SPTBN5: variants seen among roughly 807,000 people sequenced by gnomAD.
SPTBN5 encodes spectrin beta, non-erythrocytic 5.
Under a neutral mutation model 477.6 loss-of-function variants are expected in SPTBN5, and 513 were observed. The ratio of observed to expected loss-of-function variants is 1.07; its 90% CI spans 1.00 to 1.16. The LOEUF (loss-of-function observed/expected upper bound fraction) is 1.16, where lower values mean the gene tolerates loss of function less well. SPTBN5 is among the 50% of genes most tolerant of loss of function. The probability of loss-of-function intolerance (pLI) is 0.00; values close to 1 mark genes in which losing one functional copy is unlikely to be tolerated. For synonymous variants in SPTBN5, 2,169 were observed against 2,011.7 expected, an observed-to-expected ratio of 1.08 and a Z score of -2.09; for missense variants, 5,062 against 4,731.8, an observed-to-expected ratio of 1.07 and a Z score of -2.05.
intron 2 of SPTBN5, 57 bp downstream of exon 2, chr15:41,893,225 G>T: frequency 6.2e-7 from 1 of 1,609,586 alleles, no homozygotes; most frequent in South Asian, 1.1e-5. Flanking sequence ...GAGGCCCACT[G>T]GCCAGAGCTG....
Position 41,893,310 on chromosome 15 carries a change from C to A in SPTBN5, c.188G>T (p.Trp63Leu), listed in dbSNP as rs1254374506. The change falls in exon 2 of 68, where the codon TGG becomes TTG. Residue 63 changes from tryptophan (W) to leucine (L), a missense_variant. Trp to Leu is a moderately conservative substitution (Grantham distance 61). Coordinates refer to ENST00000320955, the MANE Select transcript of SPTBN5 (RefSeq NM_016642.4). Reference protein sequence around the residue: ...MQMQEKTFTKWINNVFQCGQA... With the variant: ...MQMQEKTFTKLINNVFQCGQA... ...GCCGCACTGGAAGACGTTATTGATC[C>A]ACTTGGTGAAAGTCTTCTCCTGCAT... 6.2e-7 allele frequency: 1 copy of A among 1,614,018 alleles called. No individual in the cohort carries two copies. The highest frequency in any genetic ancestry group is 8.5e-7 in the Non-Finnish European group (1 of 1,179,904).
rs201037092 is a variant in SPTBN5, at chr15:41,851,096, G to T, written c.10798C>A (p.Arg3600=). 211 of 1,613,052 alleles carry T rather than the reference G, an allele frequency of 1.3e-4. 1 individual carries two copies. In the African/African-American group the frequency reaches 2.6e-3, roughly 20 times the overall value. ...GTGTGTTTCCTGCCGTGGCGGCCCC[G>T]CAGCCTCTCACACCGGGCTCCCGTG... ...DLTGARCERL[R]GRHGRKHTFS... is the part of the protein sequence containing the mutation. The change falls in exon 65 of 68, where the codon CGG becomes AGG. Residue 3600 remains arginine, a synonymous_variant. Coordinates refer to ENST00000320955, the MANE Select transcript of SPTBN5 (RefSeq NM_016642.4).
Position 41,881,138 on chromosome 15 carries a change from T to C in SPTBN5, c.2554A>G (p.Met852Val). 1 of 1,613,672 alleles carries C rather than the reference T, an allele frequency of 6.2e-7. No homozygotes were observed. Among genetic ancestry groups the C allele is most frequent in the Non-Finnish European group, 8.5e-7 (1 of 1,179,816 alleles). The change falls in exon 13 of 68, where the codon ATG (methionine) becomes GTG (valine). Residue 852 changes from methionine (M) to valine (V), a missense_variant. By Grantham distance (21) the Met-to-Val change is conservative. Transcript: ENST00000320955. ...CHPGPGDAWK[M>V]ALPAEPDPDF... ...GGGTCAGGCTCAGCTGGGAGGGCCA[T>C]CTTCCAGGCATCCCCAGGGCCAGGG...
chr15:41,868,648 G>A, intron 32 of SPTBN5, 47 bp from the exon 33 acceptor site: 5 of 1,573,600 alleles, frequency 3.2e-6, no homozygotes, highest in Non-Finnish European at 4.3e-6. Flanking sequence ...GCTGGGCTGG[G>A]CAGCAGGAAA....
rs781277122 is a variant in SPTBN5, at chr15:41,857,008, G to A, written c.8653C>T (p.Arg2885Cys). The change falls in exon 52 of 68, where the codon CGC (arginine) becomes TGC (cysteine). Residue 2885 changes from arginine (R) to cysteine (C), a missense_variant. Physicochemically the swap from Arg to Cys is radical, Grantham distance 180 (BLOSUM62 -3). Coordinates refer to ENST00000320955, the MANE Select transcript of SPTBN5 (RefSeq NM_016642.4). ...CTCCGGGCCTCCAGGGCCGTCCTGC[G>A]CTCCTGCAGGGGCTCCCTCAGGCTC... ...FKSLREPLQE[R>C]RTALEARSLL... 1.5e-5 allele frequency: 24 copies of A among 1,605,016 alleles called. 1 individual carries two copies. The Admixed American group carries it at 2.7e-4, about 18-fold the overall frequency.
In SPTBN5 at chr15:41,855,204, T is replaced by C. The variant is rs779576593; in HGVS notation, c.9423+20A>G. Reference sequence around the variant, plus strand: ...CAGCCTCTGCCCACTCCCCGTGAGGTTTGCTCAGGAGTAACTCACCTTGAC... The same window carrying C: ...CAGCCTCTGCCCACTCCCCGTGAGGCTTGCTCAGGAGTAACTCACCTTGAC... On this transcript the variant is annotated intron_variant, in intron 55 of 67. Transcript: ENST00000320955. The C allele has an allele frequency of 6.3e-7, 1 of 1,596,742 alleles. No individual in the cohort carries two copies.
At position 41,853,761 on chromosome 15, in the gene SPTBN5, CT is replaced by C; in HGVS notation, c.9800del (p.Glu3267GlyfsTer61). The C allele has an allele frequency of 6.3e-7, 1 of 1,575,736 alleles. No homozygotes were observed. ...LERELEAMEK[E>X]VARLQTEACR... ...AGGCCTCCGTCTGTAGCCGTGCCAC[CT>C]CCTTCTCCATAGCTTCCAGCTCTCT... On this transcript the variant is annotated frameshift_variant, in exon 58 of 68. Coordinates refer to ENST00000320955, the MANE Select transcript of SPTBN5 (RefSeq NM_016642.4). LOFTEE classifies it high-confidence loss of function.
At chr15:41,877,452 G>C in intron 17 of SPTBN5, 96 bp from the exon 18 acceptor site, 1 of 1,465,670 alleles carries the variant, frequency 6.8e-7, no homozygotes. Flanking sequence ...CTTGGATCAT[G>C]AATGAGACAC....
In SPTBN5 at chr15:41,886,310, C is replaced by T. The variant is rs2140966569; in HGVS notation, c.945G>A (p.Val315=). Residue 315 remains valine (V), a synonymous_variant, in exon 7 of 68, where the codon GTG becomes GTA. Transcript: ENST00000320955. ...ELLQTQYEQL[V]ADLLRWIAEK... ...CTGCAATCCAGCGTAGAAGGTCAGC[C>T]ACCAGCTGCTCGTACTGGGTCTGCA... 6.2e-7 allele frequency: 1 copy of T among 1,613,002 alleles called. No individual in the cohort carries two copies. Among genetic ancestry groups the T allele is most frequent in the Middle Eastern group, 1.7e-4 (1 of 6,060 alleles).
chr15:41,889,889 A>T (rs1050956833), intron 4 of SPTBN5, among the ~76,000 whole-genome samples, 200 bp downstream of exon 4: 2 of 152,202 alleles, frequency 1.3e-5, no homozygotes, highest in Admixed American at 6.5e-5. Flanking sequence ...CCCTCACTTT[A>T]GCATATTACA....
chr15:41,893,792 G>C (rs1376005022), intron 1 of SPTBN5, 107 bp downstream of exon 1: 7 of 516,330 alleles, frequency 1.4e-5, no homozygotes, highest in East Asian at 9.5e-5. Flanking sequence ...ACAGTGACTG[G>C]GACAGGTGGA....
chr15:41,870,218 C>A, intron 31 of SPTBN5, 25 bp downstream of exon 31: 1 of 1,541,972 alleles, frequency 6.5e-7, no homozygotes, highest in South Asian at 1.2e-5. Flanking sequence ...GGGCCTGGGT[C>A]GGAGAGGCAG....
At chr15:41,863,109 A>G (rs569953563) in intron 41 of SPTBN5, among the ~76,000 whole-genome samples, 1 of 152,366 alleles carries the variant, frequency 6.6e-6, no homozygotes, top group Non-Finnish European at 1.5e-5. Context: ...CTCTGAGGGA[A>G]GAACCTCACG....
At chr15:41,891,858 T>G (rs929233386) in intron 3 of SPTBN5, among the ~76,000 whole-genome samples, 1 of 152,178 alleles carries the variant, frequency 6.6e-6, no homozygotes, top group Non-Finnish European at 1.5e-5. Flanking sequence ...CCTATGTGTA[T>G]GGAGACAAGG....
intron 32 of SPTBN5, among the ~76,000 whole-genome samples, chr15:41,868,821 A>G (rs898555705): frequency 1.3e-5 from 2 of 152,086 alleles, no homozygotes; most frequent in East Asian, 3.9e-4. Flanking sequence ...CATGAGCCAG[A>G]CCCTTACCAC....
intron 16 of SPTBN5, 57 bp downstream of exon 16, chr15:41,879,202 GC>G: frequency 6.4e-7 from 1 of 1,559,306 alleles, no homozygotes. Flanking sequence ...CCACTGCCCT[GC>G]CCACGCCTTC....
chr15:41,872,237 T>C lies in SPTBN5; in HGVS notation c.5165+65A>G, dbSNP rs574127564. On this transcript the variant is annotated intron_variant, in intron 27 of 67. Coordinates refer to ENST00000320955, the MANE Select transcript of SPTBN5 (RefSeq NM_016642.4). ...TTCTGATTGACTTTGGGCCATGGCA[T>C]GGGAACAGTCAGCTGTGGCTAGGCC... 5.8e-6 allele frequency: 9 copies of C among 1,548,002 alleles called. No homozygotes were observed. In the Admixed American group the frequency reaches 1.7e-4, roughly 29 times the overall value.
Position 41,863,703 on chromosome 15 carries a change from C to G in SPTBN5, c.7149+1G>C. On this transcript the variant is annotated splice_donor_variant, in intron 41 of 67. Coordinates refer to ENST00000320955, the MANE Select transcript of SPTBN5 (RefSeq NM_016642.4). LOFTEE classifies it high-confidence loss of function. ...CACCGGGACCTCTTTCCACCACGTA[C>G]CTTCTCCTGAATCCTCTTGGTGACA... 1 of 1,612,322 alleles carries G rather than the reference C, an allele frequency of 6.2e-7. No homozygotes were observed. The highest frequency in any genetic ancestry group is 8.5e-7 in the Non-Finnish European group (1 of 1,178,948).
intron 17 of SPTBN5, among the ~76,000 whole-genome samples, chr15:41,877,939 A>G (rs2066800533): frequency 6.6e-6 from 1 of 152,088 alleles, no homozygotes; most frequent in Admixed American, 6.5e-5. Context: ...CCACCTTACT[A>G]AGGAGGTGGG....
Sources: allele counts gnomAD v4.1 joint callset (sites outside exome capture counted in the v4.1 genomes callset), GRCh38; gene constraint gnomAD v4.1.1; transcripts MANE v1.5; gene names NCBI Gene and HGNC (gene_info 2026-07-23, HGNC 2026-07-21).